The following ERBB4 variants were observed in gnomAD, a reference collection of about 807,000 sequenced individuals.
ERBB4 encodes the protein receptor tyrosine-protein kinase erbB-4.
ERBB4 carries 42 observed loss-of-function variants against 158.0 expected under a neutral mutation model. The observed-to-expected ratio is 0.27, with a 90% CI of 0.21 to 0.34. The LOEUF (loss-of-function observed/expected upper bound fraction) is 0.34. Among genes scored for constraint, ERBB4 ranks in the 10% least tolerant of loss-of-function variants. The probability of loss-of-function intolerance (pLI) is 1.00; values close to 1 mark genes in which losing one functional copy is unlikely to be tolerated. For synonymous variants in ERBB4, 583 were observed against 558.7 expected (o/e 1.04, Z -0.61); for missense variants, 1,333 against 1,624.1 (o/e 0.82, Z 3.08).
At chr2:212,192,733 T>G (rs2082309853) in intron 1 of ERBB4, among the ~76,000 whole-genome samples, 1 of 152,078 alleles carries the variant, frequency 6.6e-6, no homozygotes, top group Non-Finnish European at 1.5e-5. Context: ...AGTGGCTTTA[T>G]TTTTATTCCC....
At chr2:211,627,692 C>T (rs372978677) in intron 17 of ERBB4, among the ~76,000 whole-genome samples, 1 of 152,096 alleles carries the variant, frequency 6.6e-6, no homozygotes, top group African/African-American at 2.4e-5. Context: ...AAACAACAAA[C>T]GTTGGATAAG....
chr2:212,038,826 T>A (rs1378094400), intron 2 of ERBB4, among the ~76,000 whole-genome samples: 1 of 152,138 alleles, frequency 6.6e-6, no homozygotes, highest in Non-Finnish European at 1.5e-5. Context: ...AAATGCCTTT[T>A]CTTAAAGCTT....
At chr2:211,630,973 A>T (rs763599818) in intron 16 of ERBB4, among the ~76,000 whole-genome samples, 39 of 152,188 alleles carry the variant, frequency 2.6e-4, no homozygotes, top group Non-Finnish European at 5.4e-4. Context: ...GCATTGTAAG[A>T]ATATTGTTGT....
intron 1 of ERBB4, among the ~76,000 whole-genome samples, chr2:212,371,440 G>A (rs1349699244): frequency 6.6e-6 from 1 of 152,140 alleles, no homozygotes. Flanking sequence ...GTGCATGCTT[G>A]TTTCCATCTC....
At chr2:211,943,103 C>T (rs115439983) in intron 3 of ERBB4, among the ~76,000 whole-genome samples, 1,833 of 152,020 alleles carry the variant, frequency 0.012, 31 homozygotes, top group Non-Finnish European at 0.019. Context: ...ATGAAAGATT[C>T]CTTTATATCT....
chr2:211,756,125 G>T (rs1392688451), intron 4 of ERBB4, among the ~76,000 whole-genome samples: 3 of 152,096 alleles, frequency 2.0e-5, no homozygotes, highest in Non-Finnish European at 4.4e-5. Flanking sequence ...AGGGAGGGGG[G>T]ATAAAAAGAC....
At chr2:212,147,635 C>T (rs1454939669) in intron 1 of ERBB4, among the ~76,000 whole-genome samples, 1 of 152,096 alleles carries the variant, frequency 6.6e-6, no homozygotes, top group African/African-American at 2.4e-5. Flanking sequence ...AAAGAAGCAT[C>T]TTCTCAGCAG....
intron 3 of ERBB4, among the ~76,000 whole-genome samples, chr2:211,892,698 C>T (rs2078999759): frequency 6.9e-6 from 1 of 145,496 alleles, no homozygotes; most frequent in Admixed American, 6.7e-5. Context: ...AGCTGATAAG[C>T]AACTTCAGCA....
At chr2:212,254,945 T>C (rs578012196) in intron 1 of ERBB4, among the ~76,000 whole-genome samples, 2 of 152,306 alleles carry the variant, frequency 1.3e-5, no homozygotes, top group South Asian at 4.1e-4. Context: ...CATTCAGATG[T>C]CACCTAAGAG....
chr2:212,098,040 AC>A (rs2078979911), intron 2 of ERBB4, among the ~76,000 whole-genome samples: 1 of 152,188 alleles, frequency 6.6e-6, no homozygotes, highest in South Asian at 2.1e-4. Context: ...ATGGAAATAG[AC>A]AATAGAGAAA....
intron 1 of ERBB4, among the ~76,000 whole-genome samples, chr2:212,429,514 A>G (rs1475689552): frequency 6.6e-6 from 1 of 152,212 alleles, no homozygotes; most frequent in Non-Finnish European, 1.5e-5. Flanking sequence ...ATCCCCCTCT[A>G]AAATTTCATA....
chr2:211,421,315 G>A (rs554325484), intron 24 of ERBB4, among the ~76,000 whole-genome samples: 93 of 151,946 alleles, frequency 6.1e-4, no homozygotes, highest in Non-Finnish European at 1.1e-3. Context: ...CTGTCGATAT[G>A]AAAATAAAGG....
At chr2:211,868,865 C>T (rs887223647) in intron 3 of ERBB4, among the ~76,000 whole-genome samples, 17 of 152,106 alleles carry the variant, frequency 1.1e-4, no homozygotes, top group African/African-American at 3.9e-4. Flanking sequence ...GCCTCAAATT[C>T]GTTACTTTCA....
intron 1 of ERBB4, among the ~76,000 whole-genome samples, chr2:212,453,917 A>C (rs974968): frequency 0.5 from 75,589 of 151,502 alleles, 20,142 homozygotes; most frequent in African/African-American, 0.69. Flanking sequence ...TTCCATATAT[A>C]AACAGAAACA....
chr2:212,334,577 A>G (rs914604045), intron 1 of ERBB4, among the ~76,000 whole-genome samples: 3 of 152,036 alleles, frequency 2.0e-5, no homozygotes, highest in South Asian at 2.1e-4. Context: ...AATTTATTTT[A>G]GCACTCATCA....
intron 1 of ERBB4, among the ~76,000 whole-genome samples, chr2:212,268,159 G>A (rs149219743): frequency 1.1e-4 from 16 of 151,972 alleles, no homozygotes; most frequent in African/African-American, 3.9e-4. Context: ...GAGCAGAAAA[G>A]TTTGCCTGGG....
chr2:211,494,610 A>T (rs1332156151), intron 20 of ERBB4, among the ~76,000 whole-genome samples: 4 of 152,134 alleles, frequency 2.6e-5, no homozygotes, highest in Admixed American at 1.3e-4. Context: ...GATAAAGAAG[A>T]CTTCTCAGAA....
intron 3 of ERBB4, among the ~76,000 whole-genome samples, chr2:211,943,685 C>T (rs1185965774): frequency 6.6e-6 from 1 of 151,974 alleles, no homozygotes; most frequent in African/African-American, 2.4e-5. Context: ...ATCATCTACC[C>T]TGTGCATAAT....
rs1328768475 is a variant in ERBB4 at position 212,003,223 on chromosome 2, A to C, written c.235-55607T>G. ...AAAGAAAGACAGAAAGAAGGAAGGA[A>C]GGAAGGAAGGAAGGAAGGAAGGAAG... is the stretch of plus-strand genomic sequence containing the variant. On this transcript the variant is annotated intron_variant, in intron 2 of 27. Coordinates refer to ENST00000342788, the MANE Select transcript of ERBB4 (RefSeq NM_005235.3). Among the ~76,000 whole-genome samples the C allele has an allele frequency of 1.5e-3, 125 of 83,362 alleles. 10 individuals carry two copies. Among genetic ancestry groups the C allele is most frequent in the African/African-American group, 2.2e-3 (62 of 28,488 alleles). The allele number at this position is 83,362 out of a possible 152,430, so 54.7% of individuals were successfully genotyped here.
Sources: allele counts gnomAD v4.1 joint callset (sites outside exome capture counted in the v4.1 genomes callset), GRCh38; gene constraint gnomAD v4.1.1; transcripts MANE v1.5; gene names NCBI Gene and HGNC (gene_info 2026-07-23, HGNC 2026-07-21).